The following ATP2B1 variants were observed in gnomAD, a reference collection of about 807,000 sequenced individuals.
ATP2B1 encodes the protein ATPase plasma membrane Ca2+ transporting 1, also known as plasma membrane calcium-transporting ATPase 1.
ATP2B1 carries 14 observed loss-of-function variants against 124.2 expected under a neutral mutation model. That is an observed-to-expected ratio of 0.11 (90% CI 0.07 to 0.18). The LOEUF is 0.18. ATP2B1 is among the 10% of genes least tolerant of loss of function. The probability of loss-of-function intolerance (pLI) is 1.00; values close to 1 mark genes in which losing one functional copy is unlikely to be tolerated. For synonymous variants in ATP2B1, 449 were observed against 492.4 expected, an observed-to-expected ratio of 0.91 and a Z score of 1.17; for missense variants, 763 against 1,466.1, an observed-to-expected ratio of 0.52 and a Z score of 7.83.
rs1245367645 is a variant in ATP2B1 at position 89,620,238 on chromosome 12, T to G, written c.1590A>C (p.Pro530=). 6.2e-7 allele frequency: 1 copy of G among 1,613,458 alleles called. No homozygotes were observed. The highest frequency in any genetic ancestry group is 8.5e-7 in the Non-Finnish European group (1 of 1,179,560). The part of the protein sequence containing the change: ...VNCAYTSKIL[P]PEKEGGLPRH... ...GAGGTAATCCACCCTCTTTCTCTGG[T>G]GGCTATAAGAGAAAAACATTTAGTA... is the stretch of plus-strand genomic sequence containing the variant. Residue 530 remains proline, a splice_region_variant and synonymous_variant, in exon 11 of 21, where the codon CCA becomes CCC. Coordinates refer to ENST00000428670, the MANE Select transcript of ATP2B1 (RefSeq NM_001366521.1).
chr12:89,660,024 A>G (rs1886509968), intron 1 of ATP2B1, among the ~76,000 whole-genome samples: 1 of 152,130 alleles, frequency 6.6e-6, no homozygotes, highest in Admixed American at 6.5e-5. Flanking sequence ...AAAATAGCAA[A>G]GTAAATTAAC....
intron 1 of ATP2B1, among the ~76,000 whole-genome samples, chr12:89,665,156 T>C (rs1475453714): frequency 6.6e-6 from 1 of 152,222 alleles, no homozygotes; most frequent in African/African-American, 2.4e-5. Context: ...TGTGCATGGA[T>C]AACTGAAAGC....
At chr12:89,654,482 T>C (rs1885706286) in intron 2 of ATP2B1, among the ~76,000 whole-genome samples, 1 of 152,210 alleles carries the variant, frequency 6.6e-6, no homozygotes, top group Non-Finnish European at 1.5e-5. Context: ...TTAACAGGTC[T>C]TGCAGGCAAA....
rs1420996239 is a variant in ATP2B1, at chr12:89,639,024, T to C, written c.406+3134A>G. ...TGTTAAGTGCAGATACCAGTAACTA[T>C]AGATTTATTTATGGTTTGGGCTATA... On this transcript the variant is annotated intron_variant, in intron 3 of 20. Coordinates refer to ENST00000428670, the MANE Select transcript of ATP2B1 (RefSeq NM_001366521.1). Among the ~76,000 whole-genome samples the C allele has an allele frequency of 2.6e-5, 4 of 152,316 alleles. No individual in the cohort carries two copies. In the South Asian group the frequency reaches 8.3e-4, roughly 32 times the overall value.
At chr12:89,707,169 C>G (rs1892562973) in intron 1 of ATP2B1, among the ~76,000 whole-genome samples, 1 of 152,120 alleles carries the variant, frequency 6.6e-6, no homozygotes, top group African/African-American at 2.4e-5. Context: ...CCACCCCTGC[C>G]ACACACAAGG....
intron 1 of ATP2B1, among the ~76,000 whole-genome samples, chr12:89,667,782 G>A (rs11609503): frequency 0.095 from 14,392 of 152,212 alleles, 854 homozygotes; most frequent in Middle Eastern, 0.15. Flanking sequence ...TGGATTGGAA[G>A]AATCAGGATC....
chr12:89,607,885 T>C (rs1877231627), intron 15 of ATP2B1, among the ~76,000 whole-genome samples: 1 of 152,170 alleles, frequency 6.6e-6, no homozygotes, highest in Non-Finnish European at 1.5e-5. Context: ...GCAGAATCCA[T>C]GGATACAAAG....
chr12:89,679,022 T>C (rs962652675), intron 1 of ATP2B1, among the ~76,000 whole-genome samples: 1 of 152,112 alleles, frequency 6.6e-6, no homozygotes, highest in Admixed American at 6.6e-5. Context: ...TCTTGGTTTA[T>C]GCTCCAGAGT....
At position 89,638,378 on chromosome 12, in the gene ATP2B1, C is replaced by T. The variant is rs1292812259; in HGVS notation, c.407-3127G>A. ...GTACCAAGTTTGTACATTAACAGTACAGAGAAGTAGTTCTCAAAGTGCTGT... is the reference window on the plus strand; with the variant it reads ...GTACCAAGTTTGTACATTAACAGTATAGAGAAGTAGTTCTCAAAGTGCTGT... On this transcript the variant is annotated intron_variant, in intron 3 of 20. Coordinates refer to ENST00000428670, the MANE Select transcript of ATP2B1 (RefSeq NM_001366521.1). Among the ~76,000 whole-genome samples the T allele has an allele frequency of 2.6e-5, 4 of 152,148 alleles. No individual in the cohort carries two copies. The East Asian group carries it at 7.7e-4, about 29-fold the overall frequency.
At chr12:89,708,126 G>T (rs955254658) in intron 1 of ATP2B1, among the ~76,000 whole-genome samples, 1 of 152,146 alleles carries the variant, frequency 6.6e-6, no homozygotes, top group Non-Finnish European at 1.5e-5. Context: ...CCCGCAGTGC[G>T]TCTGGGGGGC....
intron 1 of ATP2B1, among the ~76,000 whole-genome samples, chr12:89,657,660 T>C (rs1261027750): frequency 6.6e-6 from 1 of 152,210 alleles, no homozygotes; most frequent in Non-Finnish European, 1.5e-5. Context: ...ATCAGTTAGA[T>C]TGCTGGGCCC....
intron 1 of ATP2B1, among the ~76,000 whole-genome samples, chr12:89,657,627 C>A (rs1886116736): frequency 1.3e-5 from 2 of 152,210 alleles, no homozygotes; most frequent in Admixed American, 1.3e-4. Flanking sequence ...CATACTTCAG[C>A]ATATATCAGA....
Position 89,627,674 on chromosome 12 carries a change from T to G in ATP2B1, c.967+4A>C. On this transcript the variant is annotated splice_donor_region_variant and intron_variant, in intron 7 of 20. Coordinates refer to ENST00000428670, the MANE Select transcript of ATP2B1 (RefSeq NM_001366521.1). ...TCACTGTACTTTTGTCCTCCTAAAT[T>G]TACCTTTGTTGCGATTCTCAATAGC... 2 of 1,613,748 alleles carry G rather than the reference T, an allele frequency of 1.2e-6. No homozygotes were observed. The highest frequency in any genetic ancestry group is 1.7e-6 in the Non-Finnish European group (2 of 1,179,818).
chr12:89,671,896 T>TAG (rs1779877211), intron 1 of ATP2B1, among the ~76,000 whole-genome samples: 1 of 151,990 alleles, frequency 6.6e-6, no homozygotes, highest in Admixed American at 6.6e-5. Flanking sequence ...CTACAGGGTC[T>TAG]ATAAGTTTCA....
intron 1 of ATP2B1, among the ~76,000 whole-genome samples, chr12:89,677,222 A>C (rs1335920757): frequency 6.6e-6 from 1 of 152,152 alleles, no homozygotes; most frequent in Non-Finnish European, 1.5e-5. Flanking sequence ...CTTGTATTTT[A>C]CATGGATCTA....
chr12:89,602,681 A>T (rs1876089526), intron 18 of ATP2B1, among the ~76,000 whole-genome samples: 1 of 152,100 alleles, frequency 6.6e-6, no homozygotes. Flanking sequence ...AGTGATCTTA[A>T]TTTTTTTTAA....
Position 89,590,877 on chromosome 12 carries a change from G to GA in ATP2B1, c.*106dup. The GA allele has an allele frequency of 1.9e-6, 2 of 1,051,270 alleles. No individual in the cohort carries two copies. Among genetic ancestry groups the GA allele is most frequent in the African/African-American group, 3.2e-5 (2 of 62,066 alleles). 65.1% of individuals were successfully genotyped at this position (1,051,270 alleles called of 1,614,324 possible). ...CATTCGTACAAGTGTGTCTTCTGTT[G>GA]AAGTCCAAAGACAAGAATACTAGCT... On this transcript the variant is annotated 3_prime_UTR_variant, in exon 21 of 21. Coordinates refer to ENST00000428670, the MANE Select transcript of ATP2B1 (RefSeq NM_001366521.1).
intron 1 of ATP2B1, among the ~76,000 whole-genome samples, chr12:89,690,936 T>C (rs1890487531): frequency 6.6e-6 from 1 of 152,200 alleles, no homozygotes; most frequent in Admixed American, 6.5e-5. Flanking sequence ...TAGCCTCTTG[T>C]ACATTTTCCA....
rs945731279 is a variant in ATP2B1, at chr12:89,599,206, C to G, written c.3262G>C (p.Glu1088Gln). The change falls in exon 20 of 21, where the codon GAG (glutamate) becomes CAG (glutamine). Residue 1088 changes from glutamate to glutamine, a missense_variant. Glu to Gln is a conservative substitution (Grantham distance 29). Coordinates refer to ENST00000428670, the MANE Select transcript of ATP2B1 (RefSeq NM_001366521.1). ...GCGTGATCAATCTCTTCAACATCCT[C>G]TGCTAATTCCTCCTCAGGTATTTCT... ...KEEIPEEELA[E>Q]DVEEIDHAER... 1.7e-5 allele frequency: 28 copies of G among 1,614,198 alleles called. No homozygotes were observed. Among genetic ancestry groups the G allele is most frequent in the Non-Finnish European group, 2.3e-5 (27 of 1,180,022 alleles).
Sources: gnomAD v4.1 joint callset for allele counts (sites outside exome capture counted in the v4.1 genomes callset) on GRCh38, gnomAD v4.1.1 for gene constraint, MANE v1.5 for transcripts, NCBI Gene and HGNC (gene_info 2026-07-23, HGNC 2026-07-21) for gene names.